Variants in TCF12 observed in about 807,000 individuals in gnomAD.
The protein encoded by TCF12 is DNA-binding protein HTF4.
TCF12 carries 45 observed loss-of-function variants against 86.0 expected under a neutral mutation model. The observed-to-expected ratio is 0.52, with a 90% CI of 0.41 to 0.67. The LOEUF is 0.67. Ranked by LOEUF, TCF12 falls within the 30% of genes least tolerant of loss-of-function variation. TCF12 has a pLI of 0.00. For missense variants in TCF12, 881 were observed against 859.9 expected (o/e 1.02, Z -0.31); for synonymous variants, 330 against 299.6 (o/e 1.10, Z -1.05).
chr15:57,223,716 T>A (rs575186786), intron 8 of TCF12, among the ~76,000 whole-genome samples: 1 of 146,292 alleles, frequency 6.8e-6, no homozygotes, highest in African/African-American at 2.5e-5. Context: ...TAAATACTTA[T>A]AAGACTTATT....
intron 4 of TCF12, among the ~76,000 whole-genome samples, chr15:57,075,890 G>T (rs1010427111): frequency 7.9e-6 from 1 of 127,306 alleles, no homozygotes; most frequent in Non-Finnish European, 1.7e-5. Context: ...TTGAGACAGG[G>T]TCTTGCTCTG....
At chr15:57,206,708 C>T (rs1260764240) in intron 8 of TCF12, among the ~76,000 whole-genome samples, 3 of 147,754 alleles carry the variant, frequency 2.0e-5, no homozygotes, top group African/African-American at 7.5e-5. Context: ...GCAGGAAAAT[C>T]ACTTGAACCC....
intron 4 of TCF12, among the ~76,000 whole-genome samples, chr15:57,077,711 C>T (rs1280360429): frequency 2.0e-5 from 3 of 148,338 alleles, no homozygotes; most frequent in African/African-American, 5.0e-5. Flanking sequence ...GGTTCACAGA[C>T]GTGAGCTACC....
chr15:57,204,024 C>T (rs2057688273), intron 8 of TCF12, among the ~76,000 whole-genome samples: 1 of 151,606 alleles, frequency 6.6e-6, no homozygotes, highest in Admixed American at 6.6e-5. Flanking sequence ...TCTTCTCCAC[C>T]ACTATAAGGA....
intron 6 of TCF12, among the ~76,000 whole-genome samples, chr15:57,174,155 G>C (rs2055739508): frequency 6.6e-6 from 1 of 152,204 alleles, no homozygotes; most frequent in African/African-American, 2.4e-5. Context: ...TTAGAAAACA[G>C]AGGAAGAGTG....
intron 3 of TCF12, among the ~76,000 whole-genome samples, chr15:56,971,887 C>CTAAT (rs2062350336): frequency 6.6e-6 from 1 of 152,010 alleles, no homozygotes; most frequent in Non-Finnish European, 1.5e-5. Flanking sequence ...TAGTGGTTAC[C>CTAAT]TAGAGTTGGG....
At chr15:57,074,513 CTTTG>C (rs2069713425) in intron 4 of TCF12, among the ~76,000 whole-genome samples, 2 of 151,912 alleles carry the variant, frequency 1.3e-5, no homozygotes, top group African/African-American at 2.4e-5. Context: ...TTGTTTGTTT[CTTTG>C]TTTGTTTGAA....
intron 19 of TCF12, among the ~76,000 whole-genome samples, chr15:57,279,425 C>T (rs552902260): frequency 1.3e-5 from 2 of 152,302 alleles, no homozygotes; most frequent in East Asian, 1.9e-4. Context: ...ACATACTTCT[C>T]ATGCCCTGCA....
Position 57,146,218 on chromosome 15 carries a change from G to T in TCF12, c.326-20184G>T, listed in dbSNP as rs1435387795. ...CCCAGGGTAATAATGAGGGTAACCA[G>T]TACTAGCATAAAGTGGTTACACAGG... is the stretch of plus-strand genomic sequence containing the variant. On this transcript the variant is annotated intron_variant, in intron 5 of 20. Coordinates refer to ENST00000333725, the MANE Select transcript of TCF12 (RefSeq NM_207037.2). 5.3e-5 allele frequency among the ~76,000 whole-genome samples: 8 copies of T among 152,066 alleles called. No individual in the cohort carries two copies. In the South Asian group the frequency reaches 8.3e-4, roughly 16 times the overall value.
intron 6 of TCF12, among the ~76,000 whole-genome samples, chr15:57,185,505 G>A (rs2056615218): frequency 6.6e-6 from 1 of 152,082 alleles, no homozygotes; most frequent in Non-Finnish European, 1.5e-5. Flanking sequence ...GAAGAAAGCA[G>A]AAGAAGAAAG....
chr15:56,980,151 G>A (rs1407209904), intron 3 of TCF12, among the ~76,000 whole-genome samples: 8 of 152,150 alleles, frequency 5.3e-5, no homozygotes, highest in Non-Finnish European at 1.5e-5. Context: ...TTGAGGCCAG[G>A]AGTTGGAGAC....
At chr15:57,116,232 T>G (rs1567453925) in intron 5 of TCF12, among the ~76,000 whole-genome samples, 1 of 152,242 alleles carries the variant, frequency 6.6e-6, no homozygotes, top group Non-Finnish European at 1.5e-5. Flanking sequence ...GTCCTACATA[T>G]ACACATTTTC....
At chr15:57,111,935 C>T (rs1217195523) in intron 5 of TCF12, among the ~76,000 whole-genome samples, 1 of 152,116 alleles carries the variant, frequency 6.6e-6, no homozygotes, top group Non-Finnish European at 1.5e-5. Context: ...GGAGAAAGTG[C>T]AGAGTTATCC....
chr15:56,967,266 G>A (rs2062050781), intron 3 of TCF12, among the ~76,000 whole-genome samples: 2 of 151,970 alleles, frequency 1.3e-5, no homozygotes, highest in Admixed American at 1.3e-4. Flanking sequence ...CTACCTGTGA[G>A]CCTGTCCTGG....
intron 3 of TCF12, among the ~76,000 whole-genome samples, chr15:57,060,999 A>G (rs1021151729): frequency 4.6e-5 from 7 of 152,382 alleles, no homozygotes; most frequent in South Asian, 4.1e-4. Flanking sequence ...CAATAAAACT[A>G]CAGAGCTTGA....
intron 3 of TCF12, among the ~76,000 whole-genome samples, chr15:57,001,879 G>A (rs2064059449): frequency 6.6e-6 from 1 of 152,168 alleles, no homozygotes; most frequent in Admixed American, 6.5e-5. Context: ...ACTGTCTTTG[G>A]AAAGCCATAG....
intron 3 of TCF12, among the ~76,000 whole-genome samples, chr15:56,925,337 A>G (rs1035327110): frequency 7.6e-6 from 1 of 130,790 alleles, no homozygotes; most frequent in Non-Finnish European, 1.5e-5. Flanking sequence ...CTTGTTTATT[A>G]TATATAGTGA....
chr15:57,235,269 C>T (rs2059333700), intron 12 of TCF12, among the ~76,000 whole-genome samples: 2 of 152,156 alleles, frequency 1.3e-5, no homozygotes, highest in African/African-American at 4.8e-5. Flanking sequence ...CATTTACATG[C>T]CCTGTTTCAT....
At chr15:57,008,427 G>C (rs142396093) in intron 3 of TCF12, among the ~76,000 whole-genome samples, 2 of 148,408 alleles carry the variant, frequency 1.3e-5, no homozygotes, top group East Asian at 4.0e-4. Context: ...CCATGTTGGA[G>C]TATAGTGGTG....
Sources: gnomAD v4.1 joint callset for allele counts (sites outside exome capture counted in the v4.1 genomes callset) on GRCh38, gnomAD v4.1.1 for gene constraint, MANE v1.5 for transcripts, NCBI Gene and HGNC (gene_info 2026-07-23, HGNC 2026-07-21) for gene names.